Variants in OR2A5 observed in about 807,000 individuals in gnomAD.
The protein encoded by OR2A5 is olfactory receptor 2A5.
In OR2A5, 2 loss-of-function variants were observed where a neutral mutation model predicts 1.9. That is an observed-to-expected ratio of 1.04 (90% CI 0.43 to 3.28). The LOEUF (loss-of-function observed/expected upper bound fraction) is 3.28. Among genes scored for constraint, OR2A5 ranks in the 30% most tolerant of loss-of-function variants. The pLI is 0.08. For synonymous variants in OR2A5, 160 were observed against 154.5 expected, an observed-to-expected ratio of 1.04 and a Z score of -0.26; for missense variants, 391 against 375.9, an observed-to-expected ratio of 1.04 and a Z score of -0.33.
Position 144,053,652 on chromosome 7 carries a change from C to A in OR2A5, c.*2315C>A, listed in dbSNP as rs2050920077. ...CAAGCTGCTTCTTAGCAGCTTTCTG[C>A]CCAAAACATTACAAATTTTAGCTCA... On this transcript the variant is annotated 3_prime_UTR_variant, in exon 2 of 2. Coordinates refer to ENST00000641693, the MANE Select transcript of OR2A5 (RefSeq NM_012365.2). The A allele has an allele frequency of 6.6e-6, 1 of 152,178 alleles. No individual in the cohort carries two copies. Among genetic ancestry groups the A allele is most frequent in the South Asian group, 2.1e-4 (1 of 4,824 alleles). 9.4% of individuals were successfully genotyped at this position (152,178 alleles called of 1,614,324 possible).
At position 144,051,804 on chromosome 7, in the gene OR2A5, G is replaced by A. The variant is rs189486725; in HGVS notation, c.*467G>A. 6.3e-6 allele frequency: 1 copy of A among 158,152 alleles called. No individual in the cohort carries two copies. Among genetic ancestry groups the A allele is most frequent in the Non-Finnish European group, 1.4e-5 (1 of 71,306 alleles). The allele number at this position is 158,152 out of a possible 1,614,324, so 9.8% of individuals were successfully genotyped here. The stretch of plus-strand genomic sequence containing the variant: ...CAACTAAGAGTATAGAAAATGCCTG[G>A]TTTGGAACCTAAAGCCTAAGGATGA... On this transcript the variant is annotated 3_prime_UTR_variant, in exon 2 of 2. Transcript: ENST00000641693.
In OR2A5 at chr7:144,052,604, C is replaced by G. The variant is rs2050914449; in HGVS notation, c.*1267C>G. On this transcript the variant is annotated 3_prime_UTR_variant, in exon 2 of 2. Coordinates refer to ENST00000641693, the MANE Select transcript of OR2A5 (RefSeq NM_012365.2). The stretch of plus-strand genomic sequence containing the variant: ...AAAGGGGGAACTCTTTCCTCCCACC[C>G]CCTCTCCAAATGCACTGTTTTCTTT... The G allele has an allele frequency of 6.6e-6, 1 of 152,168 alleles. No individual in the cohort carries two copies. The highest frequency in any genetic ancestry group is 2.4e-5 in the African/African-American group (1 of 41,434). The allele number at this position is 152,168 out of a possible 1,614,324, so 9.4% of individuals were successfully genotyped here.
chr7:144,050,746 G>C lies in OR2A5; in HGVS notation c.345G>C (p.Leu115Phe), dbSNP rs371636291. Reference sequence around the variant, plus strand: ...TTGCTCACACTGAGTGTCTCATCTTGGTAATGATGTCCTACGATCGGTACA... The same window carrying C: ...TTGCTCACACTGAGTGTCTCATCTTCGTAATGATGTCCTACGATCGGTACA... ...MAFAHTECLILVMMSYDRYMA... is the reference protein window; with the variant it reads ...MAFAHTECLIFVMMSYDRYMA... The change falls in exon 2 of 2, where the codon TTG becomes TTC. Residue 115 changes from leucine to phenylalanine, a missense_variant. Transcript: ENST00000641693. The C allele has an allele frequency of 1.2e-6, 2 of 1,614,036 alleles. No homozygotes were observed. The highest frequency in any genetic ancestry group is 1.3e-5 in the African/African-American group (1 of 75,006).
At position 144,050,388 on chromosome 7, in the gene OR2A5, A is replaced by G; in HGVS notation, c.-14A>G. ...TGCCACAGCAGAGTCCAACGCAGGTACTGTCACAAGGGCATGACAAAAAAT... is the reference window on the plus strand; with the variant it reads ...TGCCACAGCAGAGTCCAACGCAGGTGCTGTCACAAGGGCATGACAAAAAAT... On this transcript the variant is annotated 5_prime_UTR_variant, in exon 2 of 2. Transcript: ENST00000641693. The G allele has an allele frequency of 6.6e-7, 1 of 1,509,020 alleles. No individual in the cohort carries two copies. Among genetic ancestry groups the G allele is most frequent in the Non-Finnish European group, 8.9e-7 (1 of 1,124,182 alleles). 93.5% of individuals were successfully genotyped at this position (1,509,020 alleles called of 1,614,324 possible). A position where few individuals can be genotyped will look rare whatever the true frequency, so the allele number is the denominator to read the frequency against.
chr7:144,050,999 T>C lies in OR2A5; in HGVS notation c.598T>C (p.Phe200Leu). Residue 200 changes from phenylalanine (F) to leucine (L), a missense_variant, in exon 2 of 2, where the codon TTT (phenylalanine) becomes CTT (leucine). Transcript: ENST00000641693. Reference protein sequence around the residue: ...ADTWLNQVVIFAASVFILVGP... With the variant: ...ADTWLNQVVILAASVFILVGP... ...CACCTGGCTCAACCAGGTGGTCATC[T>C]TTGCTGCTTCAGTGTTCATCCTGGT... 8.7e-6 allele frequency: 14 copies of C among 1,614,238 alleles called. No individual in the cohort carries two copies. The highest frequency in any genetic ancestry group is 1.2e-5 in the Non-Finnish European group (14 of 1,180,026).
In OR2A5 at chr7:144,056,812, G is replaced by GTTTTTTTTT. The variant is rs71170612; in HGVS notation, c.*5487_*5495dup. The GTTTTTTTTT allele has an allele frequency of 3.6e-5, 4 of 111,892 alleles. No homozygotes were observed. The highest frequency in any genetic ancestry group is 6.9e-5 in the African/African-American group (2 of 29,136). 6.9% of individuals were successfully genotyped at this position (111,892 alleles called of 1,614,324 possible). On this transcript the variant is annotated 3_prime_UTR_variant, in exon 2 of 2. Transcript: ENST00000641693. ...TTCCCTGAAATAAGGACTAACTCTT[G>GTTTTTTTTT]TTTTTTTTTTTTTTTTTTTTGAGAC...
rs756480707 is a variant in OR2A5 at position 144,050,742 on chromosome 7, T to C, written c.341T>C (p.Ile114Thr). 6.2e-7 allele frequency: 1 copy of C among 1,614,198 alleles called. No homozygotes were observed. Among genetic ancestry groups the C allele is most frequent in the South Asian group, 1.1e-5 (1 of 91,088 alleles). The stretch of plus-strand genomic sequence containing the variant: ...GCTTTTGCTCACACTGAGTGTCTCA[T>C]CTTGGTAATGATGTCCTACGATCGG... The part of the protein sequence containing the change: ...YMAFAHTECL[I>T]LVMMSYDRYM... The change falls in exon 2 of 2, where the codon ATC (isoleucine) becomes ACC (threonine). Residue 114 changes from isoleucine (I) to threonine (T), a missense_variant. Ile to Thr is a moderately conservative substitution (Grantham distance 89). Coordinates refer to ENST00000641693, the MANE Select transcript of OR2A5 (RefSeq NM_012365.2).
rs2050950840 is a variant in OR2A5 at position 144,057,667 on chromosome 7, A to T, written c.*6330A>T. ...AAAAGAGAAAAATGAAAATGTTTTCAAACAAAGTCTAAGGAAAATTACCTC... is the reference window on the plus strand; with the variant it reads ...AAAAGAGAAAAATGAAAATGTTTTCTAACAAAGTCTAAGGAAAATTACCTC... On this transcript the variant is annotated 3_prime_UTR_variant, in exon 2 of 2. Coordinates refer to ENST00000641693, the MANE Select transcript of OR2A5 (RefSeq NM_012365.2). 6.6e-6 allele frequency: 1 copy of T among 152,228 alleles called. No individual in the cohort carries two copies. The highest frequency in any genetic ancestry group is 6.5e-5 in the Admixed American group (1 of 15,288). The allele number at this position is 152,228 out of a possible 1,614,324, so 9.4% of individuals were successfully genotyped here.
chr7:144,054,451 T>C lies in OR2A5; in HGVS notation c.*3114T>C, dbSNP rs950418201. ...GGTAAAATTCATGACTAAACAACTATAAAACTACAAAATCCAATTTTATTT... is the reference window on the plus strand; with the variant it reads ...GGTAAAATTCATGACTAAACAACTACAAAACTACAAAATCCAATTTTATTT... On this transcript the variant is annotated 3_prime_UTR_variant, in exon 2 of 2. Coordinates refer to ENST00000641693, the MANE Select transcript of OR2A5 (RefSeq NM_012365.2). 2 of 152,196 alleles carry C rather than the reference T, an allele frequency of 1.3e-5. No homozygotes were observed. Among genetic ancestry groups the C allele is most frequent in the Non-Finnish European group, 2.9e-5 (2 of 68,036 alleles). The allele number at this position is 152,196 out of a possible 1,614,324, so 9.4% of individuals were successfully genotyped here.
At position 144,055,008 on chromosome 7, in the gene OR2A5, A is replaced by C. The variant is rs937328173; in HGVS notation, c.*3671A>C. On this transcript the variant is annotated 3_prime_UTR_variant, in exon 2 of 2. Transcript: ENST00000641693. ...TACTATTGCCCTGGATACTAATCAT[A>C]TTAGGAAAGAAATATATAGATGAGC... 3 of 152,192 alleles carry C rather than the reference A, an allele frequency of 2.0e-5. No individual in the cohort carries two copies. The highest frequency in any genetic ancestry group is 4.4e-5 in the Non-Finnish European group (3 of 68,036). 9.4% of individuals were successfully genotyped at this position (152,192 alleles called of 1,614,324 possible).
In OR2A5 at chr7:144,053,213, T is replaced by C. The variant is rs2050917593; in HGVS notation, c.*1876T>C. ...TTATAAAGAAATGTTCTCTAGCAGG[T>C]CTTAATAGTGGCTCTAATTTTATAT... On this transcript the variant is annotated 3_prime_UTR_variant, in exon 2 of 2. Coordinates refer to ENST00000641693, the MANE Select transcript of OR2A5 (RefSeq NM_012365.2). 1 of 151,888 alleles carries C rather than the reference T, an allele frequency of 6.6e-6. No individual in the cohort carries two copies. The highest frequency in any genetic ancestry group is 1.5e-5 in the Non-Finnish European group (1 of 67,982). 9.4% of individuals were successfully genotyped at this position (151,888 alleles called of 1,614,324 possible).
chr7:144,049,434 T>C (rs969067144), intron 1 of OR2A5, among the ~76,000 whole-genome samples: 3 of 152,114 alleles, frequency 2.0e-5, no homozygotes, highest in African/African-American at 7.2e-5. Context: ...TTAAGAAGAG[T>C]CTGAAGACTT....
chr7:144,049,362 T>C (rs1160931341), intron 1 of OR2A5, among the ~76,000 whole-genome samples: 1 of 152,256 alleles, frequency 6.6e-6, no homozygotes, highest in African/African-American at 2.4e-5. Context: ...TGAAACATCC[T>C]GGTTTCCCCT....
chr7:144,055,277 A>C lies in OR2A5; in HGVS notation c.*3940A>C, dbSNP rs981522790. Reference sequence around the variant, plus strand: ...TGAGAAAATATTTTTGAACATTATAAGTTATGCAACAATGAGGTCTTGTGA... The same window carrying C: ...TGAGAAAATATTTTTGAACATTATACGTTATGCAACAATGAGGTCTTGTGA... On this transcript the variant is annotated 3_prime_UTR_variant, in exon 2 of 2. Coordinates refer to ENST00000641693, the MANE Select transcript of OR2A5 (RefSeq NM_012365.2). 6.6e-6 allele frequency: 1 copy of C among 152,190 alleles called. No individual in the cohort carries two copies. The highest frequency in any genetic ancestry group is 1.5e-5 in the Non-Finnish European group (1 of 68,036). 9.4% of individuals were successfully genotyped at this position (152,190 alleles called of 1,614,324 possible).
Position 144,051,059 on chromosome 7 carries a change from C to T in OR2A5, c.658C>T (p.Arg220Cys), listed in dbSNP as rs370941449. ...CTGCCTGGTGCTGGTCTCCTACTCG[C>T]GCATCCTGGCGGCCATCTTGAGGAT... Reference protein sequence around the residue: ...PLCLVLVSYSRILAAILRIQS... With the variant: ...PLCLVLVSYSCILAAILRIQS... Residue 220 changes from arginine (R) to cysteine (C), a missense_variant, in exon 2 of 2, where the codon CGC becomes TGC. Arg to Cys is a radical substitution (Grantham distance 180). Coordinates refer to ENST00000641693, the MANE Select transcript of OR2A5 (RefSeq NM_012365.2). The T allele has an allele frequency of 1.7e-5, 28 of 1,614,050 alleles. No individual in the cohort carries two copies. Among genetic ancestry groups the T allele is most frequent in the African/African-American group, 1.5e-4 (11 of 74,930 alleles).
chr7:144,050,501 T>A lies in OR2A5; in HGVS notation c.100T>A (p.Tyr34Asn). ...CCTCTCTGGGCTTTTCTCCCTGTTATACGTCTTCACCCTGCTGGGAAATGG... is the reference window on the plus strand; with the variant it reads ...CCTCTCTGGGCTTTTCTCCCTGTTAAACGTCTTCACCCTGCTGGGAAATGG... ...MLLSGLFSLL[Y>N]VFTLLGNGAI... The change falls in exon 2 of 2, where the codon TAC becomes AAC. Residue 34 changes from tyrosine to asparagine, a missense_variant. By Grantham distance (143) the Tyr-to-Asn change is moderately radical. Coordinates refer to ENST00000641693, the MANE Select transcript of OR2A5 (RefSeq NM_012365.2). 1.9e-6 allele frequency: 3 copies of A among 1,604,474 alleles called. No homozygotes were observed. The highest frequency in any genetic ancestry group is 2.6e-6 in the Non-Finnish European group (3 of 1,175,288).
In OR2A5 at chr7:144,051,203, G is replaced by A. The variant is rs1203835090; in HGVS notation, c.802G>A (p.Glu268Lys). 4 of 1,614,220 alleles carry A rather than the reference G, an allele frequency of 2.5e-6. No homozygotes were observed. Among genetic ancestry groups the A allele is most frequent in the Non-Finnish European group, 3.4e-6 (4 of 1,180,040 alleles). The change falls in exon 2 of 2, where the codon GAG becomes AAG. Residue 268 changes from glutamate (E) to lysine (K), a missense_variant. By Grantham distance (56) the Glu-to-Lys change is moderately conservative. Coordinates refer to ENST00000641693, the MANE Select transcript of OR2A5 (RefSeq NM_012365.2). ...MYMAPKSRHPEEQQKVLSLFY... is the reference protein window; with the variant it reads ...MYMAPKSRHPKEQQKVLSLFY... Reference sequence around the variant, plus strand: ...CATGGCCCCCAAGTCCCGCCACCCTGAGGAGCAGCAGAAGGTCCTTTCCCT... The same window carrying A: ...CATGGCCCCCAAGTCCCGCCACCCTAAGGAGCAGCAGAAGGTCCTTTCCCT...
chr7:144,057,106 G>T lies in OR2A5; in HGVS notation c.*5769G>T, dbSNP rs1265058508. ...TGGGATTACAGGCGTGAGCCACCGCGCCCGGCCAACTCTTCTTAAATATGA... is the reference window on the plus strand; with the variant it reads ...TGGGATTACAGGCGTGAGCCACCGCTCCCGGCCAACTCTTCTTAAATATGA... On this transcript the variant is annotated 3_prime_UTR_variant, in exon 2 of 2. Transcript: ENST00000641693. The T allele has an allele frequency of 6.6e-6, 1 of 151,966 alleles. No homozygotes were observed. The highest frequency in any genetic ancestry group is 2.4e-5 in the African/African-American group (1 of 41,378). 9.4% of individuals were successfully genotyped at this position (151,966 alleles called of 1,614,324 possible).
chr7:144,049,533 C>T (rs1330992199), intron 1 of OR2A5, among the ~76,000 whole-genome samples: 1 of 152,192 alleles, frequency 6.6e-6, no homozygotes, highest in Non-Finnish European at 1.5e-5. Context: ...TCAATTCATC[C>T]AACAAGTGTA....
Sources: allele counts gnomAD v4.1 joint callset (sites outside exome capture counted in the v4.1 genomes callset), GRCh38; gene constraint gnomAD v4.1.1; transcripts MANE v1.5; gene names NCBI Gene and HGNC (gene_info 2026-07-23, HGNC 2026-07-21).